The following ZNF185 variants were observed in gnomAD, a reference collection of about 807,000 sequenced individuals.
The protein encoded by ZNF185 is zinc finger protein 185.
In ZNF185, 56 loss-of-function variants were observed where a neutral mutation model predicts 58.6. The observed-to-expected ratio is 0.95, with a 90% CI of 0.77 to 1.19. The LOEUF is 1.19. Ranked by LOEUF, ZNF185 falls within the 50% of genes most tolerant of loss-of-function variation. The probability of loss-of-function intolerance (pLI) is 0.00; values close to 1 mark genes in which losing one functional copy is unlikely to be tolerated. For synonymous variants in ZNF185, 230 were observed against 215.9 expected (o/e 1.07, Z -0.57); for missense variants, 627 against 573.5 (o/e 1.09, Z -0.95).
intron 15 of ZNF185, among the ~76,000 whole-genome samples, chrX:152,943,950 C>T (rs2047519081): frequency 8.8e-6 from 1 of 113,169 alleles, no homozygotes; most frequent in Non-Finnish European, 1.9e-5. Context: ...GCTGGCAACC[C>T]TGGGACTGGT....
At chrX:152,969,612 C>A in intron 21 of ZNF185, 128 bp downstream of exon 23, 1 of 505,705 alleles carries the variant, frequency 2.0e-6, no homozygotes, top group Non-Finnish European at 3.4e-6. Flanking sequence ...TCTCCATATA[C>A]AATTGCACAT....
chrX:152,960,332 G>A (rs1451149884), intron 17 of ZNF185, among the ~76,000 whole-genome samples: 3 of 112,687 alleles, frequency 2.7e-5, no homozygotes, highest in Non-Finnish European at 3.8e-5. Flanking sequence ...GGATGGCCAT[G>A]GATTTGGACA....
intron 17 of ZNF185, among the ~76,000 whole-genome samples, chrX:152,962,613 C>T (rs1245776215): frequency 2.7e-5 from 3 of 112,068 alleles, no homozygotes; most frequent in African/African-American, 9.8e-5. Flanking sequence ...ATCCAGTCCA[C>T]CTTCTCCAGT....
chrX:152,920,357 G>A (rs1603196992), exon 8 of ZNF185: 1 of 1,211,120 alleles, frequency 8.3e-7, no homozygotes, highest in East Asian at 3.0e-5. Context: ...GTTCTGAGGA[G>A]GACAGCTCCC....
At chrX:152,948,443 G>C (rs1040158301) in intron 16 of ZNF185, among the ~76,000 whole-genome samples, 5 of 111,448 alleles carry the variant, frequency 4.5e-5, no homozygotes, top group Non-Finnish European at 9.4e-5. Flanking sequence ...GGGTGCCTAC[G>C]TGACCAGTCC....
At chrX:152,938,203 G>T in intron 15 of ZNF185, 40 bp downstream of exon 17, 3 of 1,137,832 alleles carry the variant, frequency 2.6e-6, no homozygotes, top group Non-Finnish European at 3.5e-6. Flanking sequence ...CTGGGGTGGA[G>T]AGAGGCAGCT....
rs533492283 is a variant in ZNF185, at chrX:152,922,989, G to T, written c.830+180G>T. 1.4e-4 allele frequency among the ~76,000 whole-genome samples: 16 copies of T among 112,464 alleles called. No individual in the cohort carries two copies. In the South Asian group the frequency reaches 5.9e-3, roughly 42 times the overall value. ...ATTTGTCTTGATTTCTGATCCCTGA[G>T]AATCTGGGCAGATAATGGTGCTCTC... On this transcript the variant is annotated intron_variant, in intron 11 of 22. Coordinates refer to ENST00000449285, the Ensembl canonical transcript of ZNF185.
exon 7 of ZNF185, chrX:152,918,991 A>G: frequency 8.3e-7 from 1 of 1,209,344 alleles, no homozygotes; most frequent in South Asian, 1.8e-5. Flanking sequence ...AGGGCACCCT[A>G]CAATATCAGG....
intron 15 of ZNF185, among the ~76,000 whole-genome samples, chrX:152,939,377 G>C (rs1208957696): frequency 1.8e-5 from 2 of 112,018 alleles, no homozygotes; most frequent in Non-Finnish European, 3.8e-5. Context: ...CTTGTGAGAT[G>C]GGTAAGGTGG....
chrX:152,972,500 T>A (rs1556920412), exon 23 of ZNF185: 2 of 108,397 alleles, frequency 1.8e-5, no homozygotes, highest in African/African-American at 6.8e-5. Flanking sequence ...CTTTCCCTCC[T>A]CTCCGCCCAT....
intron 16 of ZNF185, among the ~76,000 whole-genome samples, chrX:152,958,571 C>G (rs782520795): frequency 1.8e-5 from 2 of 110,326 alleles, no homozygotes; most frequent in African/African-American, 6.6e-5. Context: ...GCCTGGCCAA[C>G]AAGGTGAAGC....
At chrX:152,964,392 G>A (rs2049897469) in intron 18 of ZNF185, among the ~76,000 whole-genome samples, 2 of 112,718 alleles carry the variant, frequency 1.8e-5, no homozygotes. Context: ...CAGCTGCTTG[G>A]CTTCTGGCAA....
intron 5 of ZNF185, 30 bp downstream of exon 6, chrX:152,917,392 C>T: frequency 8.3e-7 from 1 of 1,201,063 alleles, no homozygotes; most frequent in Non-Finnish European, 1.1e-6. Flanking sequence ...GCCAGTCGGC[C>T]AGTGGGGAGG....
chrX:152,936,960 C>T (rs2046369701), intron 14 of ZNF185, among the ~76,000 whole-genome samples: 2 of 111,496 alleles, frequency 1.8e-5, no homozygotes, highest in Non-Finnish European at 3.8e-5. Flanking sequence ...AAAAATGGCT[C>T]CTGGGGCACA....
At chrX:152,935,482 C>T (rs1175567746) in intron 14 of ZNF185, among the ~76,000 whole-genome samples, 30 of 109,313 alleles carry the variant, frequency 2.7e-4, no homozygotes, top group African/African-American at 4.3e-4. Context: ...GTGATCCACC[C>T]GCCTCAGCCT....
chrX:152,904,578 G>T, the ZNF185 span, among the ~76,000 whole-genome samples: 1 of 112,527 alleles, frequency 8.9e-6, no homozygotes, highest in Non-Finnish European at 1.9e-5. Flanking sequence ...ATCAGCACCC[G>T]CACCGGCTTA....
the ZNF185 span, among the ~76,000 whole-genome samples, chrX:152,904,003 T>C: frequency 8.9e-6 from 1 of 112,492 alleles, no homozygotes; most frequent in Non-Finnish European, 1.9e-5. Flanking sequence ...GCAGAAGTCA[T>C]TTACCTGTAA....
upstream of ZNF185, among the ~76,000 whole-genome samples, chrX:152,911,265 G>A (rs1485465898): frequency 8.9e-6 from 1 of 112,070 alleles, no homozygotes; most frequent in African/African-American, 3.3e-5. Flanking sequence ...TAAGGCACAG[G>A]CATTCACTTG....
upstream of ZNF185, among the ~76,000 whole-genome samples, chrX:152,910,934 C>G (rs1349754547): frequency 8.9e-6 from 1 of 112,207 alleles, no homozygotes; most frequent in Non-Finnish European, 1.9e-5. Flanking sequence ...CTGTGAAGGG[C>G]TGGACAAGGG....
Sources: gnomAD v4.1 joint callset for allele counts (sites outside exome capture counted in the v4.1 genomes callset) on GRCh38, gnomAD v4.1.1 for gene constraint, MANE v1.5 for transcripts, NCBI Gene and HGNC (gene_info 2026-07-23, HGNC 2026-07-21) for gene names.